Variants in PCDH7 observed in about 807,000 individuals in gnomAD.
The protein encoded by PCDH7 is protocadherin-7.
A neutral mutation model predicts 58.9 loss-of-function variants in PCDH7; 17 were observed. The ratio of observed to expected loss-of-function variants is 0.29; its 90% CI spans 0.20 to 0.43. The LOEUF is 0.43. Ranked by LOEUF, PCDH7 falls within the 20% of genes least tolerant of loss-of-function variation. The probability of loss-of-function intolerance (pLI) is 1.00; values close to 1 mark genes in which losing one functional copy is unlikely to be tolerated. For synonymous variants in PCDH7, 664 were observed against 616.4 expected, an observed-to-expected ratio of 1.08 and a Z score of -1.14; for missense variants, 1,274 against 1,441.0, an observed-to-expected ratio of 0.88 and a Z score of 1.88.
chr4:30,744,103 T>C (rs747787704), intron 1 of PCDH7, among the ~76,000 whole-genome samples: 1 of 152,136 alleles, frequency 6.6e-6, no homozygotes, highest in African/African-American at 2.4e-5. Flanking sequence ...TGTAAGCTTT[T>C]GCTATCTTCA....
chr4:31,082,195 C>A (rs919594158), intron 3 of PCDH7, among the ~76,000 whole-genome samples: 6 of 152,156 alleles, frequency 3.9e-5, no homozygotes, highest in African/African-American at 1.2e-4. Context: ...ACTATAGATA[C>A]AAGTGCTAAG....
At chr4:30,847,498 G>A (rs913266962) in intron 1 of PCDH7, among the ~76,000 whole-genome samples, 8 of 152,178 alleles carry the variant, frequency 5.3e-5, no homozygotes, top group Non-Finnish European at 1.2e-4. Flanking sequence ...TTGCCAAAAT[G>A]TTTGTTTGCC....
At chr4:30,736,327 G>A (rs1005252026), downstream of PCDH7, among the ~76,000 whole-genome samples, 1 of 151,978 alleles carries the variant, frequency 6.6e-6, no homozygotes, top group Non-Finnish European at 1.5e-5. Flanking sequence ...TAATTTGAGA[G>A]ATAATATATT....
intron 1 of PCDH7, among the ~76,000 whole-genome samples, chr4:30,852,322 A>AT (rs1732870929): frequency 6.6e-6 from 1 of 152,104 alleles, no homozygotes; most frequent in South Asian, 2.1e-4. Context: ...GGATTTAGCA[A>AT]TGTGCCTAAG....
At chr4:30,918,977 G>C (rs1034622621) in intron 1 of PCDH7, among the ~76,000 whole-genome samples, 47 of 152,076 alleles carry the variant, frequency 3.1e-4, no homozygotes, top group African/African-American at 9.4e-4. Context: ...AAATTCTACT[G>C]GTCCAGGTCG....
rs11939081 is a variant in PCDH7, at chr4:30,929,740, T to G, written c.287+9371T>G. Among the ~76,000 whole-genome samples, 370 of 152,260 alleles carry G rather than the reference T, an allele frequency of 2.4e-3. 2 individuals are homozygous for G. The highest frequency in any genetic ancestry group is 8.4e-3 in the African/African-American group (347 of 41,550). On this transcript the variant is annotated intron_variant, in intron 2 of 3. Transcript: ENST00000509759. Reference sequence around the variant, plus strand: ...GATCCTCAATGCTTAGCGTCTACATTAATGAAGTTGTTAGGAAGCCCTATA... The same window carrying G: ...GATCCTCAATGCTTAGCGTCTACATGAATGAAGTTGTTAGGAAGCCCTATA...
chr4:30,967,098 T>C (rs916712092), intron 3 of PCDH7, among the ~76,000 whole-genome samples: 9 of 152,050 alleles, frequency 5.9e-5, no homozygotes, highest in Non-Finnish European at 1.0e-4. Flanking sequence ...AAAGTGAAAA[T>C]AATTTACCAC....
intron 3 of PCDH7, among the ~76,000 whole-genome samples, chr4:30,981,367 G>A (rs1174713209): frequency 6.6e-6 from 1 of 152,120 alleles, no homozygotes; most frequent in Non-Finnish European, 1.5e-5. Flanking sequence ...GTAGATTATT[G>A]TTGGGAACCA....
intron 1 of PCDH7, among the ~76,000 whole-genome samples, chr4:30,893,363 C>T (rs1171527142): frequency 6.6e-6 from 1 of 151,998 alleles, no homozygotes; most frequent in East Asian, 1.9e-4. Context: ...ATTCCTCTCT[C>T]CTGAGAAGAG....
Position 30,849,000 on chromosome 4 carries a change from A to G in PCDH7, c.71-71153A>G, listed in dbSNP as rs552535096. 2.6e-5 allele frequency among the ~76,000 whole-genome samples: 4 copies of G among 152,290 alleles called. No individual in the cohort carries two copies. The South Asian group carries it at 8.3e-4, about 32-fold the overall frequency. The stretch of plus-strand genomic sequence containing the variant: ...TGCTTGTTTCTTTATAGATTTAAAC[A>G]TGAAGATGCTTCAATATTTTTTCCT... On this transcript the variant is annotated intron_variant, in intron 1 of 3. Transcript: ENST00000509759.
At chr4:30,813,351 A>T (rs1401592028) in intron 1 of PCDH7, among the ~76,000 whole-genome samples, 1 of 152,172 alleles carries the variant, frequency 6.6e-6, no homozygotes, top group Admixed American at 6.6e-5. Flanking sequence ...TCACTGAGTG[A>T]TTTTGCAAGA....
rs191315036 is a variant in PCDH7 at position 30,899,629 on chromosome 4, C to T, written c.71-20524C>T. On this transcript the variant is annotated intron_variant, in intron 1 of 3. Coordinates refer to the PCDH7 transcript ENST00000509759. The stretch of plus-strand genomic sequence containing the variant: ...ATCTCTAAGAGATCCTTTTGGGTTT[C>T]CGTTTACTGTTCACTCCATCTTTTG... Among the ~76,000 whole-genome samples the T allele has an allele frequency of 3.3e-3, 497 of 152,294 alleles. 1 individual carries two copies. Among genetic ancestry groups the T allele is most frequent in the Non-Finnish European group, 5.2e-3 (353 of 68,026 alleles).
At chr4:30,735,255 A>G (rs982375187), downstream of PCDH7, among the ~76,000 whole-genome samples, 2 of 152,144 alleles carry the variant, frequency 1.3e-5, no homozygotes, top group African/African-American at 2.4e-5. Flanking sequence ...GTCAACTGAT[A>G]TATTCCTGCA....
chr4:30,735,766 C>T (rs1163976252), downstream of PCDH7, among the ~76,000 whole-genome samples: 2 of 152,254 alleles, frequency 1.3e-5, no homozygotes, highest in African/African-American at 4.8e-5. Flanking sequence ...ATGTTCAAGC[C>T]TGACAAAAGC....
At chr4:30,999,307 G>C (rs532686375) in intron 3 of PCDH7, among the ~76,000 whole-genome samples, 2 of 152,100 alleles carry the variant, frequency 1.3e-5, no homozygotes, top group Non-Finnish European at 2.9e-5. Context: ...AATAATAAGT[G>C]TGTGAAAACA....
chr4:31,069,612 A>C lies in PCDH7; in HGVS notation c.*8-72861A>C, dbSNP rs190061277. On this transcript the variant is annotated intron_variant, in intron 3 of 3. Transcript: ENST00000509759. ...TTTTAGAAAAATATTTAGTTTTTGC[A>C]TAATGTTTATGGATTAAATGATGAT... 2.0e-5 allele frequency among the ~76,000 whole-genome samples: 3 copies of C among 152,182 alleles called. No individual in the cohort carries two copies. The East Asian group carries it at 5.8e-4, about 29-fold the overall frequency.
At chr4:31,097,361 G>A (rs566285885) in intron 3 of PCDH7, among the ~76,000 whole-genome samples, 98 of 151,450 alleles carry the variant, frequency 6.5e-4, no homozygotes, top group African/African-American at 2.2e-3. Flanking sequence ...GGCTGAGGCA[G>A]GAGAATCTCT....
chr4:31,116,897 G>C (rs1040599431), intron 3 of PCDH7, among the ~76,000 whole-genome samples: 2 of 151,994 alleles, frequency 1.3e-5, no homozygotes, highest in African/African-American at 4.8e-5. Flanking sequence ...GTGCAATGGC[G>C]CGATCTCGGC....
At chr4:30,992,004 T>C (rs1372027388) in intron 3 of PCDH7, among the ~76,000 whole-genome samples, 1 of 152,154 alleles carries the variant, frequency 6.6e-6, no homozygotes, top group Non-Finnish European at 1.5e-5. Flanking sequence ...ATCAAACAGA[T>C]GAATGATCAA....
Sources: gnomAD v4.1 joint callset for allele counts (sites outside exome capture counted in the v4.1 genomes callset) on GRCh38, gnomAD v4.1.1 for gene constraint, MANE v1.5 for transcripts, NCBI Gene and HGNC (gene_info 2026-07-23, HGNC 2026-07-21) for gene names.